The following PTPRD variants were observed in gnomAD, a reference collection of about 807,000 sequenced individuals.
The protein encoded by PTPRD is receptor-type tyrosine-protein phosphatase delta.
Under a neutral mutation model 214.5 loss-of-function variants are expected in PTPRD, and 34 were observed. That is an observed-to-expected ratio of 0.16 (90% CI 0.12 to 0.21). The LOEUF (loss-of-function observed/expected upper bound fraction) is 0.21. Among genes scored for constraint, PTPRD ranks in the 10% least tolerant of loss-of-function variants. The probability of loss-of-function intolerance (pLI) is 1.00; values close to 1 mark genes in which losing one functional copy is unlikely to be tolerated. For missense variants in PTPRD, 2,545 were observed against 2,398.7 expected (o/e 1.06, Z -1.27); for synonymous variants, 1,128 against 845.7 (o/e 1.33, Z -5.79).
chr9:9,536,705 C>G (rs1591028868), intron 8 of PTPRD, among the ~76,000 whole-genome samples: 1 of 152,142 alleles, frequency 6.6e-6, no homozygotes, highest in East Asian at 1.9e-4. Context: ...TGCCAGGGCT[C>G]AGTGCTGATA....
intron 9 of PTPRD, among the ~76,000 whole-genome samples, chr9:9,343,491 T>C (rs182197256): frequency 1.3e-5 from 2 of 152,328 alleles, no homozygotes; most frequent in Admixed American, 1.3e-4. Flanking sequence ...TGAGCTTTTT[T>C]TCATATGTTT....
Position 10,125,851 on chromosome 9 carries a change from T to A in PTPRD, c.-544-92061A>T, listed in dbSNP as rs115809154. Among the ~76,000 whole-genome samples, 519 of 152,170 alleles carry A rather than the reference T, an allele frequency of 3.4e-3. 1 individual carries two copies. The highest frequency in any genetic ancestry group is 0.012 in the African/African-American group (488 of 41,524). On this transcript the variant is annotated intron_variant, in intron 3 of 45. Coordinates refer to ENST00000381196, the MANE Select transcript of PTPRD (RefSeq NM_002839.4). ...AAAATCAGAAGTTGGTATTGATATA[T>A]GGATATAAATATGGATATAGAGGTC...
chr9:9,430,654 A>G (rs113837522), intron 8 of PTPRD, among the ~76,000 whole-genome samples: 1 of 152,336 alleles, frequency 6.6e-6, no homozygotes, highest in African/African-American at 2.4e-5. Context: ...TTCAAACTAT[A>G]CTACAATGCT....
chr9:8,842,503 G>C (rs1047436823), intron 11 of PTPRD, among the ~76,000 whole-genome samples: 2 of 152,150 alleles, frequency 1.3e-5, no homozygotes, highest in African/African-American at 4.8e-5. Flanking sequence ...GTTTGTATTT[G>C]ATATGGCTGT....
intron 11 of PTPRD, among the ~76,000 whole-genome samples, chr9:8,884,721 A>C (rs886477308): frequency 6.6e-6 from 1 of 152,216 alleles, no homozygotes; most frequent in African/African-American, 2.4e-5. Context: ...GTTTGTAGCA[A>C]AGAGAAGGGC....
chr9:9,997,285 A>AT (rs60029845), intron 4 of PTPRD, among the ~76,000 whole-genome samples: 95,272 of 143,328 alleles, frequency 0.66, 32,564 homozygotes, highest in Middle Eastern at 0.83. Flanking sequence ...AAGATAAGCA[A>AT]TTTTTTTTTT....
intron 4 of PTPRD, among the ~76,000 whole-genome samples, chr9:9,948,272 G>A (rs1235183798): frequency 2.0e-5 from 3 of 151,888 alleles, no homozygotes; most frequent in Non-Finnish European, 4.4e-5. Context: ...CTATCAACAC[G>A]ACTTTCACTG....
At chr9:9,262,767 T>G (rs2099980703) in intron 9 of PTPRD, among the ~76,000 whole-genome samples, 1 of 151,664 alleles carries the variant, frequency 6.6e-6, no homozygotes, top group African/African-American at 2.4e-5. Flanking sequence ...TAATCAGTTT[T>G]CCATATATGA....
intron 9 of PTPRD, among the ~76,000 whole-genome samples, chr9:9,283,734 G>A (rs1247639300): frequency 6.6e-6 from 1 of 151,510 alleles, no homozygotes; most frequent in Non-Finnish European, 1.5e-5. Flanking sequence ...CATGAAATGA[G>A]TCTTGCTGCT....
intron 11 of PTPRD, among the ~76,000 whole-genome samples, chr9:8,836,756 C>T (rs2097433784): frequency 6.6e-6 from 1 of 151,258 alleles, no homozygotes; most frequent in South Asian, 2.1e-4. Context: ...GCCACCATGT[C>T]CAGCTAATTT....
chr9:9,807,466 G>A (rs1668079512), intron 5 of PTPRD, among the ~76,000 whole-genome samples: 1 of 152,114 alleles, frequency 6.6e-6, no homozygotes, highest in Non-Finnish European at 1.5e-5. Flanking sequence ...GAAGATTTCA[G>A]AGAAAAGGCA....
At chr9:9,823,827 A>G (rs2051661246) in intron 5 of PTPRD, among the ~76,000 whole-genome samples, 2 of 152,110 alleles carry the variant, frequency 1.3e-5, no homozygotes, top group Non-Finnish European at 2.9e-5. Flanking sequence ...TATAATGACC[A>G]TAATGTATTG....
intron 8 of PTPRD, among the ~76,000 whole-genome samples, chr9:9,538,007 G>A (rs886340016): frequency 1.3e-5 from 2 of 151,302 alleles, no homozygotes; most frequent in Non-Finnish European, 2.9e-5. Context: ...ACTACTTTTG[G>A]GAGTGGGATA....
At chr9:9,087,721 A>G (rs780286861) in intron 10 of PTPRD, among the ~76,000 whole-genome samples, 1 of 151,960 alleles carries the variant, frequency 6.6e-6, no homozygotes, top group Non-Finnish European at 1.5e-5. Context: ...GCTTGTAGTA[A>G]TTTTTCCAAA....
intron 7 of PTPRD, among the ~76,000 whole-genome samples, chr9:9,684,961 T>C (rs2097142097): frequency 6.6e-6 from 1 of 151,666 alleles, no homozygotes. Flanking sequence ...ATCACAGTTG[T>C]GTTAAGAATC....
At chr9:8,776,587 C>G (rs1438821512) in intron 11 of PTPRD, among the ~76,000 whole-genome samples, 1 of 151,826 alleles carries the variant, frequency 6.6e-6, no homozygotes, top group African/African-American at 2.4e-5. Flanking sequence ...CCACTGCACC[C>G]AGCCTAAGAA....
intron 3 of PTPRD, among the ~76,000 whole-genome samples, chr9:10,247,934 C>G (rs189235690): frequency 6.6e-6 from 1 of 151,972 alleles, no homozygotes; most frequent in Non-Finnish European, 1.5e-5. Context: ...CAGTGATAGA[C>G]GATTGAATTA....
chr9:8,920,239 G>A lies in PTPRD; in HGVS notation c.-104+98458C>T, dbSNP rs528807928. On this transcript the variant is annotated intron_variant, in intron 11 of 45. Transcript: ENST00000381196. ...ACCTGTAGTCCTAGCTACTTGGGGG[G>A]CTGAGGCAGGAGAATTGCTTGAACC... Among the ~76,000 whole-genome samples, 6 of 152,090 alleles carry A rather than the reference G, an allele frequency of 3.9e-5. No homozygotes were observed. In the South Asian group the frequency reaches 1.2e-3, roughly 32 times the overall value.
chr9:9,832,090 A>G (rs1437931402), intron 5 of PTPRD, among the ~76,000 whole-genome samples: 1 of 152,050 alleles, frequency 6.6e-6, no homozygotes, highest in East Asian at 1.9e-4. Flanking sequence ...CCAGTATATA[A>G]GGGTAATAAC....
Sources: gnomAD v4.1 joint callset for allele counts (sites outside exome capture counted in the v4.1 genomes callset) on GRCh38, gnomAD v4.1.1 for gene constraint, MANE v1.5 for transcripts, NCBI Gene and HGNC (gene_info 2026-07-23, HGNC 2026-07-21) for gene names.